RAB3GAP2: variants seen among roughly 807,000 people sequenced by gnomAD.
RAB3GAP2 encodes rab3 GTPase-activating protein non-catalytic subunit.
Under a neutral mutation model 185.3 loss-of-function variants are expected in RAB3GAP2, and 87 were observed. The observed-to-expected ratio is 0.47, with a 90% CI of 0.39 to 0.56. The LOEUF (loss-of-function observed/expected upper bound fraction) is 0.56. RAB3GAP2 is among the 20% of genes least tolerant of loss of function. RAB3GAP2 has a pLI of 0.00. For synonymous variants in RAB3GAP2, 554 were observed against 576.1 expected, an observed-to-expected ratio of 0.96 and a Z score of 0.55; for missense variants, 1,492 against 1,638.2, an observed-to-expected ratio of 0.91 and a Z score of 1.54.
intron 12 of RAB3GAP2, 46 bp downstream of exon 12, chr1:220,195,032 G>T: frequency 6.5e-7 from 1 of 1,542,762 alleles, no homozygotes. Context: ...ACATTTAACA[G>T]TACCTTTCTA....
chr1:220,238,134 A>C (rs1659628719), intron 1 of RAB3GAP2, among the ~76,000 whole-genome samples: 1 of 152,128 alleles, frequency 6.6e-6, no homozygotes, highest in Non-Finnish European at 1.5e-5. Context: ...TCGATCTCCT[A>C]GGCTCAAGTG....
intron 1 of RAB3GAP2, among the ~76,000 whole-genome samples, chr1:220,255,563 C>A (rs886067610): frequency 7.9e-5 from 12 of 152,178 alleles, no homozygotes; most frequent in African/African-American, 2.9e-4. Flanking sequence ...ATAGCCACAA[C>A]AGCCAGTTTA....
At chr1:220,200,699 C>T (rs761685023) in intron 9 of RAB3GAP2, 1 of 501,276 alleles carries the variant, frequency 2.0e-6, no homozygotes. Context: ...TTTATGCTAG[C>T]AAAAAAGTAG....
chr1:220,222,858 T>G (rs1255116279), intron 2 of RAB3GAP2, among the ~76,000 whole-genome samples: 1 of 152,190 alleles, frequency 6.6e-6, no homozygotes, highest in Admixed American at 6.5e-5. Context: ...GATGATCATT[T>G]TTAGATGTTA....
chr1:220,167,183 C>A, intron 26 of RAB3GAP2, 110 bp downstream of exon 26: 1 of 962,484 alleles, frequency 1.0e-6, no homozygotes, highest in Non-Finnish European at 1.6e-6. Flanking sequence ...GGCATTACAA[C>A]GGGGAAAAAG....
At chr1:220,162,351 T>C in intron 27 of RAB3GAP2, 83 bp from the exon 28 acceptor site, 1 of 923,988 alleles carries the variant, frequency 1.1e-6, no homozygotes, top group Non-Finnish European at 1.8e-6. Context: ...CTTAAGCTTA[T>C]TAAACTATAT....
At chr1:220,160,790 T>C (rs1438007666) in intron 28 of RAB3GAP2, among the ~76,000 whole-genome samples, 1 of 152,176 alleles carries the variant, frequency 6.6e-6, no homozygotes, top group Non-Finnish European at 1.5e-5. Context: ...GTTATTTATT[T>C]CCTCCTCTTC....
chr1:220,267,953 C>T, intron 1 of RAB3GAP2: 1 of 621,562 alleles, frequency 1.6e-6, no homozygotes, highest in South Asian at 2.0e-5. Flanking sequence ...CTTCCAAGAG[C>T]TCAGCCCAAT....
intron 17 of RAB3GAP2, among the ~76,000 whole-genome samples, chr1:220,186,147 T>G (rs977105740): frequency 2.6e-5 from 4 of 152,144 alleles, no homozygotes; most frequent in African/African-American, 9.7e-5. Flanking sequence ...AGTTATACCT[T>G]AATTATTGCA....
chr1:220,205,811 C>T (rs777494743), intron 8 of RAB3GAP2, 96 bp downstream of exon 8: 6 of 967,568 alleles, frequency 6.2e-6, no homozygotes, highest in Non-Finnish European at 8.0e-6. Flanking sequence ...TTCAGAAGGC[C>T]TTTTTTATTT....
chr1:220,258,193 T>C (rs1660065203), intron 1 of RAB3GAP2, among the ~76,000 whole-genome samples: 1 of 152,096 alleles, frequency 6.6e-6, no homozygotes, highest in South Asian at 2.1e-4. Flanking sequence ...CTACTGAAAC[T>C]ATTCCAAAAA....
At chr1:220,182,179 T>TA (rs1259800044) in intron 21 of RAB3GAP2, 78 bp downstream of exon 21, 25,493 of 1,010,030 alleles carry the variant, frequency 0.025, no homozygotes, top group East Asian at 0.029. Flanking sequence ...AGACAATAGT[T>TA]AAAAAAAAAA....
rs1658723690 is a variant in RAB3GAP2 at position 220,196,353 on chromosome 1, T to C, written c.857A>G (p.Asn286Ser). 1.2e-6 allele frequency: 2 copies of C among 1,607,568 alleles called. No homozygotes were observed. Among genetic ancestry groups the C allele is most frequent in the Non-Finnish European group, 1.7e-6 (2 of 1,174,208 alleles). ...SPFDQMKTASNIGGFNAAIKN... is the reference protein window; with the variant it reads ...SPFDQMKTASSIGGFNAAIKN... Reference sequence around the variant, plus strand: ...AATTGCTGCATTAAATCCACCTATATTGGAGGCAGTCTTCATTTGATCAAA... The same window carrying C: ...AATTGCTGCATTAAATCCACCTATACTGGAGGCAGTCTTCATTTGATCAAA... Residue 286 changes from asparagine (N) to serine (S), a missense_variant, in exon 10 of 35, where the codon AAT (asparagine) becomes AGT (serine). Asn to Ser is a conservative substitution (Grantham distance 46). This residue lies in a region of RAB3GAP2 where 243 missense variants were observed against 314.8 expected (regional missense o/e 0.77). Coordinates refer to ENST00000358951, the MANE Select transcript of RAB3GAP2 (RefSeq NM_012414.4).
At chr1:220,185,992 C>T (rs1474008388) in intron 17 of RAB3GAP2, among the ~76,000 whole-genome samples, 1 of 152,102 alleles carries the variant, frequency 6.6e-6, no homozygotes, top group African/African-American at 2.4e-5. Flanking sequence ...AAGGCAACTG[C>T]TACTTAACAG....
intron 23 of RAB3GAP2, among the ~76,000 whole-genome samples, chr1:220,171,387 T>C (rs1571881012): frequency 6.6e-6 from 1 of 152,208 alleles, no homozygotes; most frequent in East Asian, 1.9e-4. Context: ...TTTCAGAGTT[T>C]TCTGGGCCAT....
intron 1 of RAB3GAP2, among the ~76,000 whole-genome samples, chr1:220,252,977 C>T (rs186279007): frequency 9.2e-5 from 14 of 152,318 alleles, no homozygotes; most frequent in African/African-American, 3.4e-4. Context: ...CCCAGCCAGC[C>T]AATGGTGGCA....
At position 220,243,241 on chromosome 1, in the gene RAB3GAP2, C is replaced by A. The variant is rs549282761; in HGVS notation, c.116-10378G>T. On this transcript the variant is annotated intron_variant, in intron 1 of 34. Transcript: ENST00000358951. ...TGGTGGCAGGCGCCTGTAGTCCCAG[C>A]TGCTTGGGAGGCTGAGGCAGGAGAA... Among the ~76,000 whole-genome samples the A allele has an allele frequency of 1.1e-4, 17 of 151,578 alleles. No individual in the cohort carries two copies. In the South Asian group the frequency reaches 3.5e-3, roughly 32 times the overall value.
chr1:220,153,149 C>T (rs746994578), intron 33 of RAB3GAP2, 36 bp downstream of exon 33: 4 of 1,490,480 alleles, frequency 2.7e-6, no homozygotes, highest in Non-Finnish European at 3.7e-6. Flanking sequence ...AATTTTATAA[C>T]TTGAGCCCAA....
At chr1:220,263,909 T>A (rs887743683) in intron 1 of RAB3GAP2, among the ~76,000 whole-genome samples, 4 of 152,094 alleles carry the variant, frequency 2.6e-5, no homozygotes, top group Admixed American at 1.3e-4. Context: ...TTTTAGTATG[T>A]ATCTCTTGCA....
Sources: gnomAD v4.1 joint callset for allele counts (sites outside exome capture counted in the v4.1 genomes callset) on GRCh38, gnomAD v4.1.1 for gene constraint, gnomAD v4.1.1 regional missense constraint, MANE v1.5 for transcripts, NCBI Gene and HGNC (gene_info 2026-07-23, HGNC 2026-07-21) for gene names.